RBMS3: variants seen among roughly 807,000 people sequenced by gnomAD.
RBMS3 encodes the protein RNA-binding motif, single-stranded-interacting protein 3.
RBMS3 carries 27 observed loss-of-function variants against 66.8 expected under a neutral mutation model. The ratio of observed to expected loss-of-function variants is 0.40; its 90% confidence interval spans 0.30 to 0.56. The LOEUF is 0.56. Among genes scored for constraint, RBMS3 ranks in the 20% least tolerant of loss-of-function variants. The pLI is 0.40. For synonymous variants in RBMS3, 188 were observed against 183.0 expected (o/e 1.03, Z -0.22); for missense variants, 513 against 549.5 (o/e 0.93, Z 0.66).
chr3:29,390,321 A>G (rs114670321), intron 1 of RBMS3, among the ~76,000 whole-genome samples: 2,038 of 152,292 alleles, frequency 0.013, 57 homozygotes, highest in African/African-American at 0.045. Flanking sequence ...TGTGGTTTTG[A>G]CACTGTATTT....
intron 10 of RBMS3, among the ~76,000 whole-genome samples, chr3:29,918,411 G>C (rs1458836063): frequency 1.3e-5 from 2 of 152,054 alleles, no homozygotes; most frequent in Non-Finnish European, 2.9e-5. Context: ...TGACAGACTT[G>C]TTCATCCAAA....
intron 6 of RBMS3, among the ~76,000 whole-genome samples, chr3:29,842,624 G>A (rs959780634): frequency 6.6e-5 from 10 of 152,092 alleles, no homozygotes; most frequent in South Asian, 2.1e-4. Flanking sequence ...TGTCCATGTC[G>A]TAATCTCCAG....
At chr3:29,288,129 C>A (rs2032516526) in intron 1 of RBMS3, among the ~76,000 whole-genome samples, 1 of 151,800 alleles carries the variant, frequency 6.6e-6, no homozygotes, top group South Asian at 2.1e-4. Context: ...TGGGGGAATT[C>A]TCTGATTTGT....
chr3:29,928,186 A>ATG (rs1233644571), intron 10 of RBMS3, among the ~76,000 whole-genome samples: 2 of 86,788 alleles, frequency 2.3e-5, no homozygotes, highest in Non-Finnish European at 5.2e-5. Flanking sequence ...AATTTTATAT[A>ATG]TATATATATA....
intron 3 of RBMS3, among the ~76,000 whole-genome samples, chr3:29,520,697 A>C (rs755951532): frequency 2.0e-5 from 3 of 152,184 alleles, no homozygotes; most frequent in Admixed American, 2.0e-4. Context: ...TGAAGGATGT[A>C]TTATGCTTTA....
intron 6 of RBMS3, among the ~76,000 whole-genome samples, chr3:29,812,248 G>A (rs1022530318): frequency 6.6e-5 from 10 of 152,046 alleles, no homozygotes; most frequent in East Asian, 1.9e-4. Context: ...TATAAGAATA[G>A]GTCATAGAGA....
intron 1 of RBMS3, among the ~76,000 whole-genome samples, chr3:29,303,755 T>C (rs1432207088): frequency 6.6e-6 from 1 of 152,010 alleles, no homozygotes; most frequent in African/African-American, 2.4e-5. Flanking sequence ...AGAGAAACTC[T>C]TTTCATAGCA....
At position 29,476,037 on chromosome 3, in the gene RBMS3, T is replaced by A. The variant is rs1284639938; in HGVS notation, c.249-12404T>A. 2.0e-5 allele frequency among the ~76,000 whole-genome samples: 3 copies of A among 152,010 alleles called. No homozygotes were observed. The East Asian group carries it at 5.8e-4, about 29-fold the overall frequency. ...GGTGTGTTCTTTGTCATGTAAAACA[T>A]CCCCCACTGACTCCCTGTGGAATGA... is the stretch of plus-strand genomic sequence containing the variant. On this transcript the variant is annotated intron_variant, in intron 2 of 14. Transcript: ENST00000383767.
intron 3 of RBMS3, among the ~76,000 whole-genome samples, chr3:29,574,342 T>C (rs2047041558): frequency 6.6e-6 from 1 of 152,182 alleles, no homozygotes; most frequent in Non-Finnish European, 1.5e-5. Context: ...GCAGTTTTTG[T>C]CTTGAAATCC....
At chr3:29,932,108 A>G (rs1026064128) in intron 10 of RBMS3, among the ~76,000 whole-genome samples, 15 of 152,122 alleles carry the variant, frequency 9.9e-5, no homozygotes, top group African/African-American at 3.4e-4. Context: ...AGGATTCCCA[A>G]TGTGTTATAA....
intron 12 of RBMS3, among the ~76,000 whole-genome samples, chr3:29,954,432 T>C (rs1472193239): frequency 6.6e-6 from 1 of 152,044 alleles, no homozygotes; most frequent in African/African-American, 2.4e-5. Context: ...AGCAAACCTC[T>C]ATAAGCATTC....
chr3:29,701,941 T>C (rs1254528205), intron 4 of RBMS3, among the ~76,000 whole-genome samples: 1 of 152,186 alleles, frequency 6.6e-6, no homozygotes, highest in Non-Finnish European at 1.5e-5. Context: ...GGTGTGGGAC[T>C]GGTGGGCAGC....
At chr3:29,833,353 T>C (rs2058422664) in intron 6 of RBMS3, among the ~76,000 whole-genome samples, 1 of 152,120 alleles carries the variant, frequency 6.6e-6, no homozygotes. Flanking sequence ...GCCTGGCAAA[T>C]TGCCTTCAAA....
chr3:29,286,357 G>T (rs1198435434), intron 1 of RBMS3, among the ~76,000 whole-genome samples: 1 of 151,778 alleles, frequency 6.6e-6, no homozygotes. Flanking sequence ...CAATCCCAGT[G>T]CATGTTTTGC....
chr3:29,425,298 C>T (rs748696393), intron 1 of RBMS3, among the ~76,000 whole-genome samples: 2 of 151,296 alleles, frequency 1.3e-5, no homozygotes, highest in African/African-American at 2.4e-5. Context: ...CGCTTGAACC[C>T]AGGAGGCAGA....
At chr3:29,930,109 C>CTTTTCTTTTTTTT (rs1553702216) in intron 10 of RBMS3, among the ~76,000 whole-genome samples, 12 of 43,554 alleles carry the variant, frequency 2.8e-4, no homozygotes, top group Non-Finnish European at 5.2e-4. Flanking sequence ...TTCTTTCTTT[C>CTTTTCTTTTTTTT]TTTTTTTTTT....
At chr3:29,315,900 A>G (rs142300152) in intron 1 of RBMS3, among the ~76,000 whole-genome samples, 496 of 151,836 alleles carry the variant, frequency 3.3e-3, no homozygotes, top group Non-Finnish European at 6.3e-3. Context: ...CACAAACAAC[A>G]TATGAGAGTC....
At chr3:29,907,422 CT>C (rs1328068459) in intron 10 of RBMS3, among the ~76,000 whole-genome samples, 1 of 152,048 alleles carries the variant, frequency 6.6e-6, no homozygotes, top group Non-Finnish European at 1.5e-5. Flanking sequence ...GGATATGCCA[CT>C]ATGAATTATT....
chr3:29,562,964 A>C (rs1432784523), intron 3 of RBMS3, among the ~76,000 whole-genome samples: 1 of 152,198 alleles, frequency 6.6e-6, no homozygotes, highest in African/African-American at 2.4e-5. Flanking sequence ...GGTTGGAGAC[A>C]TGTCTGGAAG....
Sources: allele counts gnomAD v4.1 joint callset (sites outside exome capture counted in the v4.1 genomes callset), GRCh38; gene constraint gnomAD v4.1.1; transcripts MANE v1.5; gene names NCBI Gene and HGNC (gene_info 2026-07-23, HGNC 2026-07-21).